AFF3: variants seen among roughly 807,000 people sequenced by gnomAD.
AFF3 encodes the protein AF4/FMR2 family member 3.
In AFF3, 32 loss-of-function variants were observed where a neutral mutation model predicts 129.7. That is an observed-to-expected ratio of 0.25 (90% CI 0.19 to 0.33). AFF3 has a LOEUF of 0.33. AFF3 is among the 10% of genes least tolerant of loss of function. The probability of loss-of-function intolerance (pLI) is 1.00; values close to 1 mark genes in which losing one functional copy is unlikely to be tolerated. For synonymous variants in AFF3, 644 were observed against 635.4 expected (o/e 1.01, Z -0.20); for missense variants, 1,373 against 1,592.0 (o/e 0.86, Z 2.34).
At chr2:99,911,695 A>G (rs941561265) in intron 7 of AFF3, among the ~76,000 whole-genome samples, 1 of 152,158 alleles carries the variant, frequency 6.6e-6, no homozygotes, top group Non-Finnish European at 1.5e-5. Context: ...CCCTGAAAGA[A>G]GGCTCAGTGG....
At chr2:99,567,920 G>GAACTGTCC (rs1676123511) in intron 19 of AFF3, among the ~76,000 whole-genome samples, 1 of 152,196 alleles carries the variant, frequency 6.6e-6, no homozygotes, top group African/African-American at 2.4e-5. Context: ...CAGATGACCA[G>GAACTGTCC]AACTGTCCAT....
chr2:99,738,137 T>A (rs1397986412), intron 10 of AFF3, among the ~76,000 whole-genome samples: 3 of 152,156 alleles, frequency 2.0e-5, no homozygotes, highest in African/African-American at 4.8e-5. Flanking sequence ...GTCCTGTTTG[T>A]TCTTGCTCTT....
At chr2:99,758,874 A>G (rs769064838) in intron 8 of AFF3, among the ~76,000 whole-genome samples, 4 of 152,146 alleles carry the variant, frequency 2.6e-5, no homozygotes, top group Non-Finnish European at 5.9e-5. Context: ...TTTCCAATCT[A>G]TTGAATTTAC....
At chr2:99,732,008 G>A (rs891613366) in intron 10 of AFF3, among the ~76,000 whole-genome samples, 13 of 152,158 alleles carry the variant, frequency 8.5e-5, no homozygotes, top group African/African-American at 2.9e-4. Context: ...GAACATCATC[G>A]AAAGTGCCTT....
chr2:99,584,699 A>C (rs1677920554), intron 16 of AFF3, among the ~76,000 whole-genome samples: 1 of 152,226 alleles, frequency 6.6e-6, no homozygotes, highest in African/African-American at 2.4e-5. Context: ...AAGACAGATT[A>C]GTTTGAAATA....
intron 7 of AFF3, among the ~76,000 whole-genome samples, chr2:99,847,042 A>G (rs1409498728): frequency 6.6e-6 from 1 of 152,234 alleles, no homozygotes; most frequent in Non-Finnish European, 1.5e-5. Flanking sequence ...AGGTGGGAGC[A>G]GGTAGCACTG....
At chr2:99,746,991 TTCTAAGACTG>T (rs1201339570) in intron 9 of AFF3, among the ~76,000 whole-genome samples, 1 of 151,992 alleles carries the variant, frequency 6.6e-6, no homozygotes, top group Non-Finnish European at 1.5e-5. Flanking sequence ...ACAGAATTTT[TTCTAAGACTG>T]TTAACACAAA....
intron 7 of AFF3, among the ~76,000 whole-genome samples, chr2:99,970,118 G>C (rs900826069): frequency 6.6e-6 from 1 of 152,126 alleles, no homozygotes; most frequent in Non-Finnish European, 1.5e-5. Flanking sequence ...GGAAGAAAAT[G>C]GCAAAAAGCA....
At chr2:99,676,375 C>G (rs1687606855) in intron 11 of AFF3, among the ~76,000 whole-genome samples, 1 of 152,152 alleles carries the variant, frequency 6.6e-6, no homozygotes, top group Non-Finnish European at 1.5e-5. Flanking sequence ...GTGGGTGCTA[C>G]AGGGGGCTGT....
At chr2:99,675,611 C>T (rs565789820) in intron 11 of AFF3, among the ~76,000 whole-genome samples, 1 of 152,330 alleles carries the variant, frequency 6.6e-6, no homozygotes, top group South Asian at 2.1e-4. Flanking sequence ...ATGTTGAATG[C>T]TGAACATATC....
At chr2:99,557,851 A>G (rs1021954412) in intron 22 of AFF3, among the ~76,000 whole-genome samples, 1 of 152,218 alleles carries the variant, frequency 6.6e-6, no homozygotes, top group African/African-American at 2.4e-5. Context: ...GCATGAACAG[A>G]TCTCAAATGA....
At chr2:99,755,461 T>C (rs1399684714) in intron 8 of AFF3, among the ~76,000 whole-genome samples, 4 of 152,074 alleles carry the variant, frequency 2.6e-5, no homozygotes, top group Non-Finnish European at 5.9e-5. Context: ...GAGATGGGGT[T>C]TCTCCATGTT....
At position 99,551,531 on chromosome 2, in the gene AFF3, C is replaced by T; in HGVS notation, c.3624G>A (p.Leu1208=). 3 of 1,614,132 alleles carry T rather than the reference C, an allele frequency of 1.9e-6. No individual in the cohort carries two copies. The highest frequency in any genetic ancestry group is 1.3e-5 in the African/African-American group (1 of 75,038). The change falls in exon 25 of 25, where the codon CTG becomes CTA. Residue 1208 remains leucine (L), a synonymous_variant. Coordinates refer to ENST00000672756, the MANE Select transcript of AFF3 (RefSeq NM_001386135.1). Reference sequence around the variant, plus strand: ...GCAGGCCCTGTTGGGAGTACTGGACCAGGTGCTCCATGCTGCTGTGCAGGG... The same window carrying T: ...GCAGGCCCTGTTGGGAGTACTGGACTAGGTGCTCCATGCTGCTGTGCAGGG... The part of the protein sequence containing the change: ...PVTLHSSMEH[L]VQYSQQGLHW...
intron 11 of AFF3, among the ~76,000 whole-genome samples, chr2:99,684,799 C>A (rs1004613767): frequency 6.6e-6 from 1 of 151,294 alleles, no homozygotes; most frequent in Non-Finnish European, 1.5e-5. Flanking sequence ...TTTAATACTA[C>A]CACTTTTGCA....
intron 11 of AFF3, among the ~76,000 whole-genome samples, chr2:99,690,437 T>G (rs1675541905): frequency 6.6e-6 from 1 of 151,992 alleles, no homozygotes; most frequent in Non-Finnish European, 1.5e-5. Context: ...CGCCTCGGCC[T>G]CCCAAAGTGC....
In AFF3 at chr2:100,006,773, G is replaced by T. The variant is rs1470790552; in HGVS notation, c.732C>A (p.Ala244=). 1.2e-6 allele frequency: 2 copies of T among 1,614,184 alleles called. No homozygotes were observed. The highest frequency in any genetic ancestry group is 1.7e-5 in the Admixed American group (1 of 60,030). Residue 244 remains alanine (A), a synonymous_variant, in exon 7 of 25, where the codon GCC becomes GCA. Transcript: ENST00000672756. The part of the protein sequence containing the change: ...YVRPMDGQDQ[A]PDESPKLKSS... ...ACTTCAGCTTAGGAGACTCATCAGG[G>T]GCCTGATCTTGGCCGTCCATTGGCC... is the stretch of plus-strand genomic sequence containing the variant.
chr2:99,608,939 C>CATT (rs1266387715), intron 13 of AFF3, among the ~76,000 whole-genome samples: 2 of 152,050 alleles, frequency 1.3e-5, no homozygotes, highest in African/African-American at 2.4e-5. Context: ...ATCTATGTCC[C>CATT]ATTATTACAT....
chr2:99,610,006 C>T (rs980344002), intron 13 of AFF3, among the ~76,000 whole-genome samples: 4 of 152,178 alleles, frequency 2.6e-5, no homozygotes, highest in Admixed American at 6.5e-5. Flanking sequence ...ACTGACCGAT[C>T]GACCTCGTGA....
intron 8 of AFF3, among the ~76,000 whole-genome samples, chr2:99,798,337 A>G (rs1410293418): frequency 6.6e-6 from 1 of 152,056 alleles, no homozygotes; most frequent in Non-Finnish European, 1.5e-5. Flanking sequence ...GGAAAGGGCA[A>G]TAATTATTCA....
Sources: gnomAD v4.1 joint callset for allele counts (sites outside exome capture counted in the v4.1 genomes callset) on GRCh38, gnomAD v4.1.1 for gene constraint, MANE v1.5 for transcripts, NCBI Gene and HGNC (gene_info 2026-07-23, HGNC 2026-07-21) for gene names.